The following PRRG1 variants were observed in gnomAD, a reference collection of about 807,000 sequenced individuals.
PRRG1 encodes the protein transmembrane gamma-carboxyglutamic acid protein 1.
A neutral mutation model predicts 11.8 loss-of-function variants in PRRG1; 5 were observed. That is an observed-to-expected ratio of 0.42 (90% CI 0.22 to 0.89). PRRG1 has a LOEUF of 0.89. Among genes scored for constraint, PRRG1 ranks in the 40% least tolerant of loss-of-function variants. PRRG1 has a pLI of 0.28. For synonymous variants in PRRG1, 66 were observed against 60.4 expected (o/e 1.09, Z -0.43); for missense variants, 155 against 166.1 (o/e 0.93, Z 0.37).
chrX:37,398,231 C>A (rs1418554705), intron 1 of PRRG1, among the ~76,000 whole-genome samples: 1 of 111,418 alleles, frequency 9.0e-6, no homozygotes, highest in Non-Finnish European at 1.9e-5. Context: ...GGCACCCCCC[C>A]AGTAGGGGCG....
At chrX:37,375,737 A>G (rs966212202) in intron 1 of PRRG1, among the ~76,000 whole-genome samples, 2 of 111,264 alleles carry the variant, frequency 1.8e-5, no homozygotes, top group Admixed American at 9.5e-5. Context: ...TGAGTGCTTC[A>G]TAAAATGGCT....
At chrX:37,410,859 A>T (rs1932331301) in intron 2 of PRRG1, among the ~76,000 whole-genome samples, 1 of 112,602 alleles carries the variant, frequency 8.9e-6, no homozygotes, top group African/African-American at 3.2e-5. Context: ...GCTTTTGTTG[A>T]CACAAGGAAT....
At chrX:37,404,323 G>A (rs1932123243) in intron 1 of PRRG1, among the ~76,000 whole-genome samples, 1 of 110,964 alleles carries the variant, frequency 9.0e-6, no homozygotes, top group African/African-American at 3.3e-5. Context: ...CTTCTCATTC[G>A]TACATGGATT....
intron 3 of PRRG1, among the ~76,000 whole-genome samples, chrX:37,429,168 G>A (rs1196887360): frequency 3.6e-5 from 4 of 112,064 alleles, no homozygotes; most frequent in Non-Finnish European, 7.5e-5. Context: ...CCCATGACGT[G>A]CCCTGGAGAC....
chrX:37,437,659 A>G (rs1932900034), intron 3 of PRRG1, among the ~76,000 whole-genome samples: 1 of 112,137 alleles, frequency 8.9e-6, no homozygotes, highest in Admixed American at 9.4e-5. Context: ...TTGGGATTTG[A>G]GTAGAACCCT....
At position 37,423,724 on chromosome X, in the gene PRRG1, A is replaced by G. The variant is rs781918168; in HGVS notation, c.11-2116A>G. Among the ~76,000 whole-genome samples, 162 of 109,936 alleles carry G rather than the reference A, an allele frequency of 1.5e-3. 1 individual carries two copies. Among genetic ancestry groups the G allele is most frequent in the Non-Finnish European group, 9.3e-4 (49 of 52,794 alleles). On this transcript the variant is annotated intron_variant, in intron 2 of 3. Coordinates refer to ENST00000378628, the MANE Select transcript of PRRG1 (RefSeq NM_001142395.2). Reference sequence around the variant, plus strand: ...TACATTTAATGTAGCCTAAGTCGACAGTGTTGATAAAGTCTACAGTAGTCT... The same window carrying G: ...TACATTTAATGTAGCCTAAGTCGACGGTGTTGATAAAGTCTACAGTAGTCT...
At chrX:37,371,289 A>G (rs1556370731) in intron 1 of PRRG1, among the ~76,000 whole-genome samples, 1 of 112,006 alleles carries the variant, frequency 8.9e-6, no homozygotes, top group African/African-American at 3.2e-5. Context: ...ACTCATCAAG[A>G]CACCCTGCCT....
At chrX:37,394,511 C>G (rs1282283781) in intron 1 of PRRG1, among the ~76,000 whole-genome samples, 5 of 111,923 alleles carry the variant, frequency 4.5e-5, no homozygotes, top group African/African-American at 1.6e-4. Context: ...CTGTGGTGGA[C>G]AGTGAAGTGA....
chrX:37,375,826 G>T (rs1556371961), intron 1 of PRRG1, among the ~76,000 whole-genome samples: 1 of 111,364 alleles, frequency 9.0e-6, no homozygotes, highest in Non-Finnish European at 1.9e-5. Context: ...AGGGTTCCTG[G>T]AGCTAAAACT....
At chrX:37,434,146 G>A (rs531019822) in intron 3 of PRRG1, among the ~76,000 whole-genome samples, 4 of 112,123 alleles carry the variant, frequency 3.6e-5, no homozygotes, top group Non-Finnish European at 5.6e-5. Context: ...TTACTCATAC[G>A]TGGTTTCATC....
At chrX:37,445,071 G>A (rs781828013) in intron 3 of PRRG1, among the ~76,000 whole-genome samples, 1 of 111,593 alleles carries the variant, frequency 9.0e-6, no homozygotes, top group African/African-American at 3.3e-5. Context: ...GAGAGGAATG[G>A]CTAGGCGGCG....
intron 1 of PRRG1, among the ~76,000 whole-genome samples, chrX:37,350,230 T>C (rs782194495): frequency 8.0e-5 from 9 of 112,335 alleles, no homozygotes; most frequent in African/African-American, 2.6e-4. Flanking sequence ...CACTGGTTTT[T>C]GTGATTGTGC....
intron 3 of PRRG1, among the ~76,000 whole-genome samples, chrX:37,432,999 C>T (rs1249089985): frequency 1.8e-5 from 2 of 111,418 alleles, no homozygotes; most frequent in Admixed American, 1.9e-4. Context: ...TCCCACACCC[C>T]ATCTGCAATA....
At position 37,453,597 on chromosome X, in the gene PRRG1, G is replaced by A. The variant is rs782210601; in HGVS notation, c.633G>A (p.Val211=). The A allele has an allele frequency of 8.5e-7, 1 of 1,181,138 alleles. No homozygotes were observed. The highest frequency in any genetic ancestry group is 3.0e-5 in the East Asian group (1 of 33,327). The change falls in exon 4 of 4, where the codon GTG becomes GTA. Residue 211 remains valine (V), a synonymous_variant. Coordinates refer to ENST00000378628, the MANE Select transcript of PRRG1 (RefSeq NM_001142395.2). ...NSNSASAIPM[V]PVVTTIK ...ACTCAGCCAGTGCCATTCCTATGGT[G>A]CCTGTGGTCACCACCATCAAATGAA...
chrX:37,412,183 AG>A lies in PRRG1; in HGVS notation c.10+5925del. On this transcript the variant is annotated intron_variant, in intron 2 of 3. Transcript: ENST00000378628. Reference sequence around the variant, plus strand: ...TAGTCTTTGTTTCTTATTAAAACATAGCAGCATAATTCCTCTGGGTCCTTGC... The same window carrying A: ...TAGTCTTTGTTTCTTATTAAAACATACAGCATAATTCCTCTGGGTCCTTGC... 3.6e-5 allele frequency among the ~76,000 whole-genome samples: 4 copies of A among 112,101 alleles called. No homozygotes were observed. The Middle Eastern group carries it at 0.018, about 514-fold the overall frequency.
chrX:37,420,134 T>C (rs782334439), intron 2 of PRRG1, among the ~76,000 whole-genome samples: 75 of 112,083 alleles, frequency 6.7e-4, no homozygotes, highest in Middle Eastern at 4.6e-3. Flanking sequence ...TTATAACTTA[T>C]AACTTGAGAT....
chrX:37,360,222 C>A (rs1020053493), intron 1 of PRRG1, among the ~76,000 whole-genome samples: 2 of 111,834 alleles, frequency 1.8e-5, no homozygotes, highest in African/African-American at 6.5e-5. Context: ...TTTCTAATTT[C>A]CTAGGATGGA....
intron 2 of PRRG1, among the ~76,000 whole-genome samples, chrX:37,415,181 A>G (rs782212924): frequency 8.9e-6 from 1 of 111,847 alleles, no homozygotes; most frequent in Admixed American, 9.4e-5. Context: ...GGCTGAGGCG[A>G]GTGGATCACT....
chrX:37,377,169 G>T (rs960524620), intron 1 of PRRG1, among the ~76,000 whole-genome samples: 1 of 111,841 alleles, frequency 8.9e-6, no homozygotes, highest in Non-Finnish European at 1.9e-5. Flanking sequence ...TTAAATAAAA[G>T]ATTAATCTGT....
Sources: allele counts gnomAD v4.1 joint callset (sites outside exome capture counted in the v4.1 genomes callset), GRCh38; gene constraint gnomAD v4.1.1; transcripts MANE v1.5; gene names NCBI Gene and HGNC (gene_info 2026-07-23, HGNC 2026-07-21).